The following IFT80 variants were observed in gnomAD, a reference collection of about 807,000 sequenced individuals.
IFT80 encodes the protein intraflagellar transport 80, also known as intraflagellar transport protein 80 homolog.
IFT80 carries 79 observed loss-of-function variants against 107.9 expected under a neutral mutation model. That is an observed-to-expected ratio of 0.73 (90% CI 0.61 to 0.88). The LOEUF (loss-of-function observed/expected upper bound fraction) is 0.88. IFT80 is among the 40% of genes least tolerant of loss of function. The probability of loss-of-function intolerance (pLI) is 0.00; values close to 1 mark genes in which losing one functional copy is unlikely to be tolerated. For synonymous variants in IFT80, 299 were observed against 300.9 expected (o/e 0.99, Z 0.07); for missense variants, 797 against 914.2 (o/e 0.87, Z 1.65).
intron 6 of IFT80, among the ~76,000 whole-genome samples, chr3:160,360,324 C>A (rs368261369): frequency 1.3e-5 from 2 of 151,934 alleles, no homozygotes; most frequent in African/African-American, 4.8e-5. Flanking sequence ...TAAAAAGAGA[C>A]GAACAAAGCC....
rs962986826 is a variant in IFT80, at chr3:160,373,174, C to T, written c.439+2638G>A. Among the ~76,000 whole-genome samples the T allele has an allele frequency of 3.9e-5, 6 of 152,208 alleles. No individual in the cohort carries two copies. In the South Asian group the frequency reaches 6.2e-4, roughly 16 times the overall value. Reference sequence around the variant, plus strand: ...CCACCCATCTTGGCCTCCTGAAGTGCTGGGATTACAGGAGTGAGCCACGAT... The same window carrying T: ...CCACCCATCTTGGCCTCCTGAAGTGTTGGGATTACAGGAGTGAGCCACGAT... On this transcript the variant is annotated intron_variant, in intron 5 of 19. Coordinates refer to ENST00000326448, the MANE Select transcript of IFT80 (RefSeq NM_020800.3).
intron 18 of IFT80, among the ~76,000 whole-genome samples, chr3:160,272,356 T>C (rs1234246333): frequency 6.6e-6 from 1 of 152,110 alleles, no homozygotes. Context: ...AGATACATGC[T>C]GAAATATTTA....
intron 6 of IFT80, among the ~76,000 whole-genome samples, chr3:160,357,787 AC>A (rs1171936859): frequency 3.3e-5 from 5 of 152,154 alleles, no homozygotes; most frequent in African/African-American, 1.2e-4. Flanking sequence ...TAAGACATCC[AC>A]TATATAGCCT....
intron 13 of IFT80, among the ~76,000 whole-genome samples, chr3:160,283,082 T>C (rs942848155): frequency 9.2e-5 from 14 of 152,198 alleles, no homozygotes; most frequent in African/African-American, 3.4e-4. Context: ...CTCACATTCA[T>C]TCTTGCAAAA....
chr3:160,317,013 T>A (rs373970729), intron 9 of IFT80, among the ~76,000 whole-genome samples: 2 of 152,276 alleles, frequency 1.3e-5, no homozygotes, highest in African/African-American at 4.8e-5. Context: ...ATTTCCTTTT[T>A]TTCTCTTCAT....
At chr3:160,336,514 C>T (rs1030272513) in intron 8 of IFT80, among the ~76,000 whole-genome samples, 3 of 151,686 alleles carry the variant, frequency 2.0e-5, no homozygotes, top group African/African-American at 7.3e-5. Flanking sequence ...TTTTCTCTCC[C>T]CCATTTCCTC....
chr3:160,280,569 G>T, intron 15 of IFT80, 98 bp downstream of exon 15: 1 of 1,020,472 alleles, frequency 9.8e-7, no homozygotes, highest in Non-Finnish European at 1.5e-6. Flanking sequence ...TGACTGATGT[G>T]TAAAACACCT....
chr3:160,307,643 A>T lies in IFT80; in HGVS notation c.1076+20T>A. 8.0e-7 allele frequency: 1 copy of T among 1,244,322 alleles called. No individual in the cohort carries two copies. The highest frequency in any genetic ancestry group is 2.3e-5 in the East Asian group (1 of 43,236). 77.1% of individuals were successfully genotyped at this position (1,244,322 alleles called of 1,614,324 possible). ...CAGACAGACAAAACTCTGAAATTTT[A>T]AGAAATGCAAGATGCTTACGAGAAC... On this transcript the variant is annotated intron_variant, in intron 10 of 19. Transcript: ENST00000326448.
chr3:160,365,415 C>T (rs957691318), intron 6 of IFT80, among the ~76,000 whole-genome samples: 6 of 152,138 alleles, frequency 3.9e-5, no homozygotes, highest in African/African-American at 1.4e-4. Flanking sequence ...GAAAACACTT[C>T]TATGCCTGCT....
At chr3:160,319,723 A>G in intron 9 of IFT80, 37 bp downstream of exon 9, 1 of 1,513,090 alleles carries the variant, frequency 6.6e-7, no homozygotes, top group Non-Finnish European at 9.2e-7. Flanking sequence ...TAATATGAAA[A>G]GAAGCAGGTT....
intron 18 of IFT80, among the ~76,000 whole-genome samples, chr3:160,275,224 A>T (rs1714165861): frequency 6.6e-6 from 1 of 152,168 alleles, no homozygotes; most frequent in Non-Finnish European, 1.5e-5. Flanking sequence ...CAACCTCTGT[A>T]TGTTCCCACT....
At chr3:160,268,133 C>T (rs1051491053) in intron 19 of IFT80, among the ~76,000 whole-genome samples, 25 of 152,208 alleles carry the variant, frequency 1.6e-4, no homozygotes, top group African/African-American at 4.1e-4. Flanking sequence ...ATTCCACCCA[C>T]GTATATTATT....
chr3:160,312,791 T>C (rs1280109693), intron 9 of IFT80, among the ~76,000 whole-genome samples: 3 of 47,692 alleles, frequency 6.3e-5, no homozygotes, highest in African/African-American at 7.9e-5. Context: ...ATATAATATA[T>C]ATATAATAAA....
At chr3:160,287,633 A>G (rs1379057880) in intron 12 of IFT80, among the ~76,000 whole-genome samples, 4 of 152,230 alleles carry the variant, frequency 2.6e-5, no homozygotes, top group Admixed American at 2.6e-4. Context: ...GGTAAAAGTT[A>G]CCAGTGAAAT....
intron 8 of IFT80, among the ~76,000 whole-genome samples, chr3:160,325,192 A>G (rs932968870): frequency 2.3e-4 from 35 of 152,000 alleles, no homozygotes; most frequent in African/African-American, 7.2e-4. Flanking sequence ...TATCGTGAAA[A>G]TGGCCATACT....
At chr3:160,391,511 A>C (rs1371764338) in intron 1 of IFT80, 1 of 152,156 alleles carries the variant, frequency 6.6e-6, no homozygotes, top group Non-Finnish European at 1.5e-5. Flanking sequence ...TCTCTACTAA[A>C]AATACAAAAA....
chr3:160,280,364 TAA>T (rs919918720), intron 15 of IFT80, among the ~76,000 whole-genome samples: 2 of 152,148 alleles, frequency 1.3e-5, no homozygotes, highest in East Asian at 1.9e-4. Context: ...TGAAAAATCT[TAA>T]AGAGTGCCTA....
intron 18 of IFT80, among the ~76,000 whole-genome samples, chr3:160,269,728 G>A (rs143337861): frequency 7.1e-4 from 108 of 152,198 alleles, no homozygotes; most frequent in African/African-American, 2.5e-3. Context: ...TAGTTGAGTC[G>A]GGAACAATCC....
chr3:160,337,610 T>C (rs1467268691), intron 8 of IFT80, among the ~76,000 whole-genome samples: 1 of 152,000 alleles, frequency 6.6e-6, no homozygotes, highest in Non-Finnish European at 1.5e-5. Flanking sequence ...GGTGACAGGG[T>C]GAGACTCTGT....
Sources: gnomAD v4.1 joint callset for allele counts (sites outside exome capture counted in the v4.1 genomes callset) on GRCh38, gnomAD v4.1.1 for gene constraint, MANE v1.5 for transcripts, NCBI Gene and HGNC (gene_info 2026-07-23, HGNC 2026-07-21) for gene names.